Variants in LRRC8A observed in about 807,000 individuals in gnomAD.
LRRC8A encodes the protein leucine rich repeat containing 8 VRAC subunit A, also known as volume-regulated anion channel subunit LRRC8A.
LRRC8A carries 24 observed loss-of-function variants against 52.5 expected under a neutral mutation model. The ratio of observed to expected loss-of-function variants is 0.46; its 90% CI spans 0.33 to 0.64. The LOEUF is 0.64. Ranked by LOEUF, LRRC8A falls within the 30% of genes least tolerant of loss-of-function variation. The pLI, the probability that LRRC8A is intolerant of heterozygous loss-of-function variation, is 0.02. For missense variants in LRRC8A, 677 were observed against 1,094.7 expected (o/e 0.62, Z 5.38); for synonymous variants, 492 against 494.2 (o/e 1.00, Z 0.06).
At position 128,916,459 on chromosome 9, in the gene LRRC8A, G is replaced by T; in HGVS notation, c.*88G>T. The T allele has an allele frequency of 6.9e-7, 1 of 1,445,238 alleles. No homozygotes were observed. Among genetic ancestry groups the T allele is most frequent in the Non-Finnish European group, 9.2e-7 (1 of 1,088,608 alleles). 89.5% of individuals were successfully genotyped at this position (1,445,238 alleles called of 1,614,324 possible). On this transcript the variant is annotated 3_prime_UTR_variant, in exon 4 of 4. Coordinates refer to ENST00000372600, the MANE Select transcript of LRRC8A (RefSeq NM_019594.4). This position sits in a 1 kb window ranked among gnomAD's most constrained non-coding sequence, Gnocchi z 6.1. ...AGGCCTAGCTTCTCCCAGAACTCCC[G>T]GACAGCCAGGACAGCCTCGTGGCTG... is the stretch of plus-strand genomic sequence containing the variant.
At chr9:128,898,659 C>G (rs1839914980) in intron 2 of LRRC8A, among the ~76,000 whole-genome samples, 1 of 152,228 alleles carries the variant, frequency 6.6e-6, no homozygotes, top group Non-Finnish European at 1.5e-5. Context: ...TAGCAGCCCT[C>G]TAAGGCAGGG....
Position 128,912,085 on chromosome 9 carries a change from TTTTG to T in LRRC8A, c.2157+2776_2157+2779del, listed in dbSNP as rs139550845. Among the ~76,000 whole-genome samples the T allele has an allele frequency of 5.9e-3, 893 of 152,300 alleles. 9 individuals are homozygous for T. The highest frequency in any genetic ancestry group is 0.02 in the African/African-American group (839 of 41,570). On this transcript the variant is annotated intron_variant, in intron 3 of 3. Coordinates refer to ENST00000372600, the MANE Select transcript of LRRC8A (RefSeq NM_019594.4). ...TTACTGATGTGTGCAAATTGTTATG[TTTTG>T]TTTGTTTGTTTTTTTGGTAGAGACA...
At chr9:128,894,515 A>G (rs1373915789) in intron 2 of LRRC8A, among the ~76,000 whole-genome samples, 2 of 150,596 alleles carry the variant, frequency 1.3e-5, no homozygotes, top group African/African-American at 5.0e-5. Flanking sequence ...GTAACAGACC[A>G]GGTACAGTGG....
intron 2 of LRRC8A, among the ~76,000 whole-genome samples, chr9:128,895,646 C>T (rs1839794612): frequency 6.6e-6 from 1 of 152,172 alleles, no homozygotes; most frequent in Non-Finnish European, 1.5e-5. Context: ...TGCATGATGC[C>T]CACTTCTACA....
At position 128,907,142 on chromosome 9, in the gene LRRC8A, A is replaced by G. The variant is rs770092040; in HGVS notation, c.-8-15A>G. 1.3e-5 allele frequency: 20 copies of G among 1,588,956 alleles called. No individual in the cohort carries two copies. In the East Asian group the frequency reaches 2.0e-4, roughly 16 times the overall value. Reference sequence around the variant, plus strand: ...GCCACCCTGTGCTAACCCCCCTCCTATGGCTCCCTTTTAGGTTGAACCATG... The same window carrying G: ...GCCACCCTGTGCTAACCCCCCTCCTGTGGCTCCCTTTTAGGTTGAACCATG... On this transcript the variant is annotated splice_polypyrimidine_tract_variant and intron_variant, in intron 2 of 3. Coordinates refer to ENST00000372600, the MANE Select transcript of LRRC8A (RefSeq NM_019594.4). This position sits in a 1 kb window ranked among gnomAD's most constrained non-coding sequence, Gnocchi z 9.3.
chr9:128,910,569 T>C (rs1354739361), intron 3 of LRRC8A, among the ~76,000 whole-genome samples: 2 of 152,202 alleles, frequency 1.3e-5, no homozygotes, highest in Non-Finnish European at 2.9e-5. Context: ...GGCATGTGCC[T>C]GTAGTCCCAG....
chr9:128,904,809 A>G (rs1280096462), intron 2 of LRRC8A, among the ~76,000 whole-genome samples: 1 of 150,978 alleles, frequency 6.6e-6, no homozygotes, highest in Non-Finnish European at 1.5e-5. Flanking sequence ...CCTGGCTAAC[A>G]CGGTGAAACC....
intron 2 of LRRC8A, among the ~76,000 whole-genome samples, chr9:128,889,154 C>G (rs1839508331): frequency 6.6e-6 from 1 of 152,110 alleles, no homozygotes; most frequent in Non-Finnish European, 1.5e-5. Flanking sequence ...GGGGCTCTTT[C>G]TACTTCACCC....
rs1158210007 is a variant in LRRC8A, at chr9:128,916,457, C to G, written c.*86C>G. 9 of 1,473,324 alleles carry G rather than the reference C, an allele frequency of 6.1e-6. No individual in the cohort carries two copies. In the South Asian group the frequency reaches 1.1e-4, roughly 17 times the overall value. The allele number at this position is 1,473,324 out of a possible 1,614,324, so 91.3% of individuals were successfully genotyped here. A position where few individuals can be genotyped will look rare whatever the true frequency, so the allele number is the denominator to read the frequency against. ...GCAGGCCTAGCTTCTCCCAGAACTC[C>G]CGGACAGCCAGGACAGCCTCGTGGC... On this transcript the variant is annotated 3_prime_UTR_variant, in exon 4 of 4. Transcript: ENST00000372600. The surrounding 1 kb of genome is among the most constrained non-coding windows in gnomAD (Gnocchi z 6.1).
At chr9:128,883,797 A>T (rs1342327002) in intron 1 of LRRC8A, among the ~76,000 whole-genome samples, 1 of 152,096 alleles carries the variant, frequency 6.6e-6, no homozygotes, top group African/African-American at 2.4e-5. Flanking sequence ...ACATAGTGAA[A>T]CCTTGTCTCT....
chr9:128,909,679 G>A (rs1292362386), intron 3 of LRRC8A, among the ~76,000 whole-genome samples: 9 of 152,194 alleles, frequency 5.9e-5, no homozygotes, highest in African/African-American at 1.9e-4. Context: ...GTCCAAACCC[G>A]GGGGTTCTCT....
At chr9:128,882,475 C>G in intron 1 of LRRC8A, 1 of 379,630 alleles carries the variant, frequency 2.6e-6, no homozygotes, top group Admixed American at 4.5e-5. Context: ...CGCGCGAGCC[C>G]CCTCCCAGGC....
At chr9:128,888,195 CCCCTGGAGAGAG>C (rs1839471881) in intron 2 of LRRC8A, among the ~76,000 whole-genome samples, 2 of 152,146 alleles carry the variant, frequency 1.3e-5, no homozygotes, top group Non-Finnish European at 2.9e-5. Flanking sequence ...GGAACTCTGT[CCCCTGGAGAGAG>C]GGGAGGCCTG....
Position 128,886,051 on chromosome 9 carries a change from TC to T in LRRC8A, c.-77del, listed in dbSNP as rs1289362193. The T allele has an allele frequency of 2.6e-5, 4 of 152,400 alleles. No homozygotes were observed. Among genetic ancestry groups the T allele is most frequent in the Non-Finnish European group, 5.9e-5 (4 of 68,112 alleles). 9.4% of individuals were successfully genotyped at this position (152,400 alleles called of 1,614,324 possible). On this transcript the variant is annotated 5_prime_UTR_variant, in exon 2 of 4. The change abolishes the stop of an existing upstream ORF in the 5' untranslated region. Coordinates refer to ENST00000372600, the MANE Select transcript of LRRC8A (RefSeq NM_019594.4). ...CCATGGAGCAAAAGGAATGCCAGGA[TC>T]CTGCACAGGCAGACGCGGGCCAGCC...
At chr9:128,904,236 T>G (rs1840145053) in intron 2 of LRRC8A, among the ~76,000 whole-genome samples, 1 of 152,060 alleles carries the variant, frequency 6.6e-6, no homozygotes, top group Non-Finnish European at 1.5e-5. Context: ...AAGCACAATT[T>G]GGCCAGGCAT....
chr9:128,885,763 G>A (rs540912459), intron 1 of LRRC8A, among the ~76,000 whole-genome samples: 1 of 152,282 alleles, frequency 6.6e-6, no homozygotes, highest in South Asian at 2.1e-4. Context: ...CAAAAAATTA[G>A]CCAGGCTTGG....
intron 2 of LRRC8A, among the ~76,000 whole-genome samples, chr9:128,887,397 C>CA (rs1457145557): frequency 1.3e-5 from 2 of 152,038 alleles, no homozygotes; most frequent in African/African-American, 4.8e-5. Flanking sequence ...CTCCTGGGTT[C>CA]AAGAGATGCT....
At position 128,907,532 on chromosome 9, in the gene LRRC8A, A is replaced by G; in HGVS notation, c.368A>G (p.Lys123Arg). 6.2e-7 allele frequency: 1 copy of G among 1,614,174 alleles called. No homozygotes were observed. Among genetic ancestry groups the G allele is most frequent in the Middle Eastern group, 1.6e-4 (1 of 6,062 alleles). ...CYENRLHWFAKYFPYLVLLHT... is the reference protein window; with the variant it reads ...CYENRLHWFARYFPYLVLLHT... ...GAGAACCGACTGCACTGGTTTGCCA[A>G]GTACTTCCCCTACCTGGTGCTTCTG... Residue 123 changes from lysine (K) to arginine (R), a missense_variant, in exon 3 of 4, where the codon AAG becomes AGG. Around this residue, in one of 4 missense-constraint regions of LRRC8A, gnomAD observed 422 missense variants for 741.5 expected, o/e 0.57. Coordinates refer to ENST00000372600, the MANE Select transcript of LRRC8A (RefSeq NM_019594.4). This position sits in a 1 kb window ranked among gnomAD's most constrained non-coding sequence, Gnocchi z 9.3.
chr9:128,904,509 C>G (rs914788030), intron 2 of LRRC8A, among the ~76,000 whole-genome samples: 1 of 152,096 alleles, frequency 6.6e-6, no homozygotes, highest in East Asian at 1.9e-4. Context: ...CAGAGCAATA[C>G]TCTGTCTCTA....
Sources: allele counts gnomAD v4.1 joint callset (sites outside exome capture counted in the v4.1 genomes callset), GRCh38; gene constraint gnomAD v4.1.1; regional missense constraint gnomAD v4.1.1; non-coding constraint Gnocchi (gnomAD v3.1); transcripts MANE v1.5; gene names NCBI Gene and HGNC (gene_info 2026-07-23, HGNC 2026-07-21).